Variants in CACNB2 observed in about 807,000 individuals in gnomAD.
CACNB2 encodes calcium voltage-gated channel auxiliary subunit beta 2.
In CACNB2, 42 loss-of-function variants were observed where a neutral mutation model predicts 73.3. That is an observed-to-expected ratio of 0.57 (90% CI 0.45 to 0.74). The LOEUF (loss-of-function observed/expected upper bound fraction) is 0.74, where lower values mean the gene tolerates loss of function less well. Among genes scored for constraint, CACNB2 ranks in the 30% least tolerant of loss-of-function variants. The pLI is 0.00. For synonymous variants in CACNB2, 348 were observed against 310.3 expected (o/e 1.12, Z -1.28); for missense variants, 940 against 853.0 (o/e 1.10, Z -1.27).
At chr10:18,404,540 C>A (rs1023292437) in intron 3 of CACNB2, among the ~76,000 whole-genome samples, 4 of 152,160 alleles carry the variant, frequency 2.6e-5, no homozygotes, top group Admixed American at 6.5e-5. Context: ...AAGAATCAGA[C>A]ATTTTCTACA....
intron 2 of CACNB2, among the ~76,000 whole-genome samples, chr10:18,157,934 G>A (rs920616225): frequency 2.6e-5 from 4 of 151,722 alleles, no homozygotes; most frequent in Admixed American, 6.6e-5. Flanking sequence ...TTTTTAGATC[G>A]GCATAATTCC....
chr10:18,362,934 G>T (rs1296077755), intron 2 of CACNB2, among the ~76,000 whole-genome samples: 1 of 151,948 alleles, frequency 6.6e-6, no homozygotes, highest in Admixed American at 6.6e-5. Context: ...ACAAAAGAAG[G>T]AAAAGGAAAT....
intron 2 of CACNB2, among the ~76,000 whole-genome samples, chr10:18,195,314 C>T (rs900233926): frequency 1.8e-4 from 27 of 152,160 alleles, no homozygotes; most frequent in African/African-American, 6.5e-4. Flanking sequence ...GCGCCCAGCA[C>T]TATATTCTCA....
intron 1 of CACNB2, among the ~76,000 whole-genome samples, chr10:18,145,395 A>G (rs750720909): frequency 2.1e-5 from 3 of 145,600 alleles, no homozygotes; most frequent in African/African-American, 5.1e-5. Flanking sequence ...AACCACCATC[A>G]CTTTCCTCTT....
intron 6 of CACNB2, among the ~76,000 whole-genome samples, chr10:18,509,456 G>A (rs2050653694): frequency 6.6e-6 from 1 of 152,106 alleles, no homozygotes; most frequent in South Asian, 2.1e-4. Flanking sequence ...TATGTGTCAA[G>A]CCCAAGCTCT....
chr10:18,527,551 T>C, intron 9 of CACNB2, 37 bp from the exon 10 acceptor site: 2 of 1,361,918 alleles, frequency 1.5e-6, no homozygotes, highest in Non-Finnish European at 2.1e-6. Context: ...ATTAGACCAA[T>C]AACCTTAAGG....
intron 2 of CACNB2, among the ~76,000 whole-genome samples, chr10:18,188,314 G>A (rs1447947574): frequency 6.6e-6 from 1 of 151,324 alleles, no homozygotes; most frequent in African/African-American, 2.4e-5. Context: ...CTGCCTTCCT[G>A]CCTTCTTGCC....
intron 3 of CACNB2, among the ~76,000 whole-genome samples, chr10:18,414,557 T>C (rs2044831382): frequency 2.7e-5 from 4 of 147,394 alleles, no homozygotes; most frequent in Admixed American, 2.1e-4. Flanking sequence ...CAATCTCGGC[T>C]CACTGCAACC....
intron 7 of CACNB2, chr10:18,514,595 A>G: frequency 6.5e-7 from 1 of 1,543,296 alleles, no homozygotes; most frequent in Non-Finnish European, 9.0e-7. Context: ...TAATTCCCAC[A>G]GTTGTATTAA....
intron 2 of CACNB2, among the ~76,000 whole-genome samples, chr10:18,381,689 A>G (rs1347633003): frequency 1.0e-5 from 1 of 97,800 alleles, no homozygotes; most frequent in Non-Finnish European, 2.2e-5. Flanking sequence ...ACTCCGTCTC[A>G]AAAAAAAAAA....
intron 2 of CACNB2, among the ~76,000 whole-genome samples, chr10:18,375,792 C>G (rs151129627): frequency 6.6e-6 from 1 of 152,104 alleles, no homozygotes; most frequent in Non-Finnish European, 1.5e-5. Context: ...TTTGTTGATA[C>G]GCTGAAAACC....
rs770644243 is a variant in CACNB2 at position 18,255,728 on chromosome 10, C to T, written c.213+104753C>T. On this transcript the variant is annotated intron_variant, in intron 2 of 13. Coordinates refer to ENST00000324631, the MANE Select transcript of CACNB2 (RefSeq NM_201596.3). ...ACCCTAGGCTCTTCATAGTTGCAGA[C>T]GTACTGTGAAGGGAGAGTCTAATGA... Among the ~76,000 whole-genome samples the T allele has an allele frequency of 9.9e-5, 15 of 152,256 alleles. No individual in the cohort carries two copies. The East Asian group carries it at 2.7e-3, about 27-fold the overall frequency.
At chr10:18,502,708 A>ACC (rs1336566288) in intron 5 of CACNB2, among the ~76,000 whole-genome samples, 9 of 118,816 alleles carry the variant, frequency 7.6e-5, no homozygotes, top group South Asian at 2.5e-4. Context: ...AAAAAAAAAA[A>ACC]AAAAAAAAAA....
chr10:18,475,195 G>T (rs779609376), intron 3 of CACNB2, among the ~76,000 whole-genome samples: 49 of 151,902 alleles, frequency 3.2e-4, no homozygotes, highest in Non-Finnish European at 5.9e-4. Context: ...CACACACCTG[G>T]AAGCTCTCAG....
chr10:18,193,008 G>C (rs2034472154), intron 2 of CACNB2, among the ~76,000 whole-genome samples: 1 of 152,098 alleles, frequency 6.6e-6, no homozygotes, highest in Admixed American at 6.6e-5. Context: ...TATATACGTA[G>C]AAATAGAATT....
chr10:18,367,251 A>T (rs1482414361), intron 2 of CACNB2, among the ~76,000 whole-genome samples: 3 of 152,040 alleles, frequency 2.0e-5, no homozygotes, highest in Non-Finnish European at 4.4e-5. Flanking sequence ...ATGTTGAAAT[A>T]CTTTGGGACA....
At position 18,433,797 on chromosome 10, in the gene CACNB2, C is replaced by T. The variant is rs534167154; in HGVS notation, c.333+31754C>T. ...GTAAATACTTATAGGGAACAGTAAA[C>T]GTGTTATGGCAAGTTTGAAACTGTC... On this transcript the variant is annotated intron_variant, in intron 3 of 13. Transcript: ENST00000324631. Among the ~76,000 whole-genome samples, 65 of 152,184 alleles carry T rather than the reference C, an allele frequency of 4.3e-4. No individual in the cohort carries two copies. The South Asian group carries it at 0.012, about 28-fold the overall frequency.
intron 3 of CACNB2, among the ~76,000 whole-genome samples, chr10:18,450,431 G>A (rs1392692231): frequency 6.6e-6 from 1 of 152,038 alleles, no homozygotes; most frequent in Non-Finnish European, 1.5e-5. Context: ...GGCCTGTGGT[G>A]AATAATGTCG....
At chr10:18,301,145 G>A (rs1269739939) in intron 2 of CACNB2, among the ~76,000 whole-genome samples, 1 of 152,160 alleles carries the variant, frequency 6.6e-6, no homozygotes, top group African/African-American at 2.4e-5. Flanking sequence ...CACCACAGAA[G>A]TTTGGTGATT....
Sources: allele counts gnomAD v4.1 joint callset (sites outside exome capture counted in the v4.1 genomes callset), GRCh38; gene constraint gnomAD v4.1.1; transcripts MANE v1.5; gene names NCBI Gene and HGNC (gene_info 2026-07-23, HGNC 2026-07-21).